ZNF446: variants seen among roughly 807,000 people sequenced by gnomAD.
ZNF446 encodes zinc finger protein with KRAB and SCAN domains 20.
Under a neutral mutation model 34.0 loss-of-function variants are expected in ZNF446, and 42 were observed. The observed-to-expected ratio is 1.23, with a 90% CI of 0.96 to 1.60. The LOEUF (loss-of-function observed/expected upper bound fraction) is 1.60. ZNF446 is among the 40% of genes most tolerant of loss of function. The pLI is 0.00. For missense variants in ZNF446, 650 were observed against 600.2 expected, an observed-to-expected ratio of 1.08 and a Z score of -0.87; for synonymous variants, 315 against 251.0, an observed-to-expected ratio of 1.25 and a Z score of -2.41.
Position 58,480,804 on chromosome 19 carries a change from C to A in ZNF446, c.*78C>A. On this transcript the variant is annotated 3_prime_UTR_variant, in exon 7 of 7. Transcript: ENST00000594369. The surrounding 1 kb of genome is among the most constrained non-coding windows in gnomAD (Gnocchi z 7.2). ...CAGCCTCTGGGGCACCAGCAGAAGA[C>A]TCTGGAGGCAGCAGGGGATGCCAGA... The A allele has an allele frequency of 6.6e-7, 1 of 1,504,316 alleles. No individual in the cohort carries two copies. The highest frequency in any genetic ancestry group is 1.4e-5 in the African/African-American group (1 of 72,562). The allele number at this position is 1,504,316 out of a possible 1,614,324, so 93.2% of individuals were successfully genotyped here. A position where few individuals can be genotyped will look rare whatever the true frequency, so the allele number is the denominator to read the frequency against.
the ZNF446 span, among the ~76,000 whole-genome samples, chr19:58,488,139 G>A: frequency 2.0e-5 from 3 of 150,688 alleles, no homozygotes; most frequent in African/African-American, 7.3e-5. Flanking sequence ...CCCTGTTCAT[G>A]GCACTGTGAG....
downstream of ZNF446, among the ~76,000 whole-genome samples, chr19:58,485,378 C>G (rs1213303859): frequency 1.3e-5 from 2 of 151,132 alleles, no homozygotes; most frequent in Non-Finnish European, 2.9e-5. Context: ...GGTATAGTGG[C>G]ACACGCCTGT....
downstream of ZNF446, chr19:58,483,972 T>C (rs933672697): frequency 3.3e-5 from 5 of 152,216 alleles, no homozygotes; most frequent in Non-Finnish European, 7.3e-5. Context: ...ATTAATTCTC[T>C]TGAGTAAACA....
At chr19:58,488,022 T>C in the ZNF446 span, among the ~76,000 whole-genome samples, 1 of 151,878 alleles carries the variant, frequency 6.6e-6, no homozygotes, top group East Asian at 1.9e-4. Context: ...ACACACCCTG[T>C]TCATGGCACT....
intron 4 of ZNF446, among the ~76,000 whole-genome samples, chr19:58,478,760 G>A (rs1211207346): frequency 3.9e-5 from 6 of 151,972 alleles, no homozygotes; most frequent in African/African-American, 1.5e-4. Flanking sequence ...CACCTCCAGA[G>A]AAGTCAGCTG....
chr19:58,484,089 T>C (rs541875406), downstream of ZNF446, among the ~76,000 whole-genome samples: 39 of 152,060 alleles, frequency 2.6e-4, no homozygotes, highest in Admixed American at 2.0e-3. Flanking sequence ...CAAAAACTTA[T>C]TGTACAATTC....
chr19:58,478,018 A>G, intron 3 of ZNF446, 69 bp from the exon 4 acceptor site: 1 of 1,459,906 alleles, frequency 6.8e-7, no homozygotes, highest in Non-Finnish European at 9.4e-7. Context: ...ACAGCAGAGG[A>G]GCTCCTCATC....
chr19:58,480,304 G>A lies in ZNF446; in HGVS notation c.931G>A (p.Val311Met). The change falls in exon 7 of 7, where the codon GTG becomes ATG. Residue 311 changes from valine (V) to methionine (M), a missense_variant. By Grantham distance (21) the Val-to-Met change is conservative (BLOSUM62 1). Coordinates refer to ENST00000594369, the MANE Select transcript of ZNF446 (RefSeq NM_017908.4). The surrounding 1 kb of genome is among the most constrained non-coding windows in gnomAD (Gnocchi z 7.2). ...CACTGTGCGCCCAGGGACACCGCCAGTGCCCACTCAGCCCACACCTGCAGA... is the reference window on the plus strand; with the variant it reads ...CACTGTGCGCCCAGGGACACCGCCAATGCCCACTCAGCCCACACCTGCAGA... ...APTVRPGTPP[V>M]PTQPTPAETR... The A allele has an allele frequency of 1.9e-6, 3 of 1,580,488 alleles. No homozygotes were observed. The highest frequency in any genetic ancestry group is 1.7e-6 in the Non-Finnish European group (2 of 1,164,276).
At chr19:58,488,921 T>TG in the ZNF446 span, among the ~76,000 whole-genome samples, 5 of 151,462 alleles carry the variant, frequency 3.3e-5, no homozygotes, top group African/African-American at 1.2e-4. Flanking sequence ...TACCAGGACC[T>TG]GTGCATATGA....
At position 58,480,133 on chromosome 19, in the gene ZNF446, G is replaced by A; in HGVS notation, c.803-43G>A. 1.3e-6 allele frequency: 2 copies of A among 1,574,488 alleles called. 1 individual carries two copies. The highest frequency in any genetic ancestry group is 2.3e-5 in the South Asian group (2 of 88,078). On this transcript the variant is annotated intron_variant, in intron 6 of 6. Transcript: ENST00000594369. This position sits in a 1 kb window ranked among gnomAD's most constrained non-coding sequence, Gnocchi z 7.2. ...CCACGGCCACAAGCCTGAGGGAGGG[G>A]TTGCTGAGTGCCGGGACTCACCTGG...
At position 58,480,277 on chromosome 19, in the gene ZNF446, C is replaced by G; in HGVS notation, c.904C>G (p.Pro302Ala). The G allele has an allele frequency of 6.3e-7, 1 of 1,578,676 alleles. No individual in the cohort carries two copies. The highest frequency in any genetic ancestry group is 1.3e-5 in the African/African-American group (1 of 74,418). The change falls in exon 7 of 7, where the codon CCC becomes GCC. Residue 302 changes from proline to alanine, a missense_variant. Coordinates refer to ENST00000594369, the MANE Select transcript of ZNF446 (RefSeq NM_017908.4). This position sits in a 1 kb window ranked among gnomAD's most constrained non-coding sequence, Gnocchi z 7.2. ...EGLSGAATPA[P>A]TVRPGTPPVP... ...CTTGTCTGGGGCTGCCACTCCTGCCCCCACTGTGCGCCCAGGGACACCGCC... is the reference window on the plus strand; with the variant it reads ...CTTGTCTGGGGCTGCCACTCCTGCCGCCACTGTGCGCCCAGGGACACCGCC...
chr19:58,480,783 C>T lies in ZNF446; in HGVS notation c.*57C>T, dbSNP rs895043781. 9.2e-5 allele frequency: 142 copies of T among 1,548,192 alleles called. No individual in the cohort carries two copies. The highest frequency in any genetic ancestry group is 1.2e-4 in the Non-Finnish European group (136 of 1,148,132). On this transcript the variant is annotated 3_prime_UTR_variant, in exon 7 of 7. Coordinates refer to ENST00000594369, the MANE Select transcript of ZNF446 (RefSeq NM_017908.4). This position sits in a 1 kb window ranked among gnomAD's most constrained non-coding sequence, Gnocchi z 7.2. ...GGTGTTCTCGGGGCCTGGATACAGCCTCTGGGGCACCAGCAGAAGACTCTG... is the reference window on the plus strand; with the variant it reads ...GGTGTTCTCGGGGCCTGGATACAGCTTCTGGGGCACCAGCAGAAGACTCTG...
chr19:58,477,791 TGAA>T lies in ZNF446; in HGVS notation c.499_501del (p.Lys167del), dbSNP rs765716962. 3.1e-6 allele frequency: 5 copies of T among 1,589,330 alleles called. No individual in the cohort carries two copies. Among genetic ancestry groups the T allele is most frequent in the African/African-American group, 1.4e-5 (1 of 73,766 alleles). On this transcript the variant is annotated inframe_deletion, in exon 3 of 7. Transcript: ENST00000594369. ...GGGTCTGTCCAGCTCAGCTGCAGTG[TGAA>T]GGAGGAGCCCAATGTCGATGGACAG...
At position 58,481,071 on chromosome 19, in the gene ZNF446, G is replaced by A; in HGVS notation, c.*345G>A. 6.5e-6 allele frequency: 2 copies of A among 306,620 alleles called. No individual in the cohort carries two copies. The highest frequency in any genetic ancestry group is 6.2e-6 in the Non-Finnish European group (1 of 161,462). The allele number at this position is 306,620 out of a possible 1,614,324, so 19.0% of individuals were successfully genotyped here. Reference sequence around the variant, plus strand: ...CTCCTGGGACCTCCTTGCCTCAGGTGGGTGTTCAAAAACTGTGCCTTCCCA... The same window carrying A: ...CTCCTGGGACCTCCTTGCCTCAGGTAGGTGTTCAAAAACTGTGCCTTCCCA... On this transcript the variant is annotated 3_prime_UTR_variant, in exon 7 of 7. Coordinates refer to ENST00000594369, the MANE Select transcript of ZNF446 (RefSeq NM_017908.4).
intron 5 of ZNF446, 64 bp from the exon 6 acceptor site, chr19:58,479,866 C>G (rs1458175060): frequency 1.4e-6 from 2 of 1,412,128 alleles, no homozygotes; most frequent in African/African-American, 1.4e-5. Flanking sequence ...TGTCACCTAC[C>G]AGAACCGACC....
chr19:58,481,942 C>T (rs557707995), downstream of ZNF446, among the ~76,000 whole-genome samples: 40 of 152,234 alleles, frequency 2.6e-4, 1 homozygote, highest in East Asian at 2.9e-3. Context: ...TACAGACACC[C>T]GCCACCACGC....
downstream of ZNF446, among the ~76,000 whole-genome samples, chr19:58,484,748 G>A (rs1041822125): frequency 6.6e-6 from 1 of 152,030 alleles, no homozygotes; most frequent in African/African-American, 2.4e-5. Flanking sequence ...TAAAGTAAAT[G>A]AAATGCAAAT....
chr19:58,476,769 A>G (rs1384968091), intron 1 of ZNF446, among the ~76,000 whole-genome samples: 2 of 151,792 alleles, frequency 1.3e-5, no homozygotes, highest in African/African-American at 4.8e-5. Context: ...CCCGTACATT[A>G]CAGCCTGGCC....
chr19:58,480,031 A>C lies in ZNF446; in HGVS notation c.802+12A>C. On this transcript the variant is annotated intron_variant, in intron 6 of 6. Coordinates refer to ENST00000594369, the MANE Select transcript of ZNF446 (RefSeq NM_017908.4). This position sits in a 1 kb window ranked among gnomAD's most constrained non-coding sequence, Gnocchi z 7.2. ...AAGCCTGCGCTCGGGTGAGTGCCCC[A>C]CACCATCCAGCCTGAATCACCCCTC... is the stretch of plus-strand genomic sequence containing the variant. 2 of 1,575,490 alleles carry C rather than the reference A, an allele frequency of 1.3e-6. No homozygotes were observed. Among genetic ancestry groups the C allele is most frequent in the South Asian group, 1.2e-5 (1 of 86,652 alleles).
Sources: allele counts gnomAD v4.1 joint callset (sites outside exome capture counted in the v4.1 genomes callset), GRCh38; gene constraint gnomAD v4.1.1; non-coding constraint Gnocchi (gnomAD v3.1); transcripts MANE v1.5; gene names NCBI Gene and HGNC (gene_info 2026-07-23, HGNC 2026-07-21).